Variants in COX7B2 observed in about 807,000 individuals in gnomAD.
COX7B2 encodes the protein cytochrome c oxidase subunit 7B2, mitochondrial.
For missense variants in COX7B2, 109 were observed against 95.9 expected, an observed-to-expected ratio of 1.14 and a Z score of -0.57; for synonymous variants, 37 against 32.1, an observed-to-expected ratio of 1.15 and a Z score of -0.51.
intron 2 of COX7B2, among the ~76,000 whole-genome samples, chr4:46,766,225 A>G (rs1421898384): frequency 6.6e-6 from 1 of 152,242 alleles, no homozygotes; most frequent in Non-Finnish European, 1.5e-5. Context: ...AGGTGTAGGA[A>G]TATAGTAAAA....
chr4:46,752,914 G>A (rs1342172919), intron 2 of COX7B2, among the ~76,000 whole-genome samples: 2 of 152,150 alleles, frequency 1.3e-5, no homozygotes, highest in African/African-American at 2.4e-5. Context: ...TTTGGTATCA[G>A]GATGATGCTG....
chr4:46,735,876 C>G, intron 2 of COX7B2, among the ~76,000 whole-genome samples: 1 of 152,078 alleles, frequency 6.6e-6, no homozygotes, highest in East Asian at 1.9e-4. Flanking sequence ...TTTGGGGAAG[C>G]AGTTTTGGTT....
intron 2 of COX7B2, among the ~76,000 whole-genome samples, chr4:46,763,210 TTATAATATATATTCATATA>T (rs1402146500): frequency 7.3e-6 from 1 of 137,448 alleles, no homozygotes; most frequent in East Asian, 2.0e-4. Context: ...GATATTATAT[TTATAATATATATTCATATA>T]TATTATATAT....
rs531756599 is a variant in COX7B2 at position 46,759,924 on chromosome 4, GTCTTA to G, written c.-49-24688_-49-24684del. Among the ~76,000 whole-genome samples the G allele has an allele frequency of 2.8e-3, 421 of 149,996 alleles. 2 individuals carry two copies. The highest frequency in any genetic ancestry group is 0.027 in the South Asian group (126 of 4,724). ...GTCTTATCTTATATAAGTTATATAAGTCTTATCTTATATGTTATATAAGTCTTATA... is the reference window on the plus strand; with the variant it reads ...GTCTTATCTTATATAAGTTATATAAGTCTTATATGTTATATAAGTCTTATA... On this transcript the variant is annotated intron_variant, in intron 2 of 2. Coordinates refer to ENST00000355591, the MANE Select transcript of COX7B2 (RefSeq NM_130902.3).
intron 1 of COX7B2, among the ~76,000 whole-genome samples, chr4:46,879,051 T>C (rs1238134198): frequency 3.9e-5 from 6 of 152,216 alleles, no homozygotes; most frequent in Non-Finnish European, 8.8e-5. Flanking sequence ...AACTTACTAT[T>C]AAGGTGCAAG....
chr4:46,736,640 G>T (rs1714380491), intron 2 of COX7B2, among the ~76,000 whole-genome samples: 2 of 151,974 alleles, frequency 1.3e-5, no homozygotes, highest in Non-Finnish European at 2.9e-5. Context: ...CTTACTCCTG[G>T]CAACCACTGA....
chr4:46,744,674 T>C lies in COX7B2; in HGVS notation c.-49-9433A>G, dbSNP rs4417938. Among the ~76,000 whole-genome samples, 652 of 152,112 alleles carry C rather than the reference T, an allele frequency of 4.3e-3. 13 individuals carry two copies. The highest frequency in any genetic ancestry group is 0.033 in the Admixed American group (503 of 15,260). ...TTCTGCCTTCAATCTATCACTGATA[T>C]ATTTAGGTAAAAGTATACAGGAAAC... On this transcript the variant is annotated intron_variant, in intron 2 of 2. Coordinates refer to ENST00000355591, the MANE Select transcript of COX7B2 (RefSeq NM_130902.3).
intron 2 of COX7B2, among the ~76,000 whole-genome samples, chr4:46,842,235 A>G (rs1408740181): frequency 6.6e-6 from 1 of 151,988 alleles, no homozygotes; most frequent in Admixed American, 6.6e-5. Flanking sequence ...TTCAGACAAG[A>G]GCATCCATAC....
chr4:46,900,281 T>C (rs1720002965), intron 1 of COX7B2, among the ~76,000 whole-genome samples: 1 of 152,194 alleles, frequency 6.6e-6, no homozygotes, highest in Admixed American at 6.5e-5. Context: ...CTCTGGAGAT[T>C]TTTATTTACA....
chr4:46,844,602 A>G (rs982270913), intron 2 of COX7B2, among the ~76,000 whole-genome samples: 1 of 152,024 alleles, frequency 6.6e-6, no homozygotes, highest in Admixed American at 6.6e-5. Flanking sequence ...CTAAGCATGT[A>G]GTACTTGGCA....
At chr4:46,757,552 A>G (rs1225521181) in intron 2 of COX7B2, among the ~76,000 whole-genome samples, 11 of 152,090 alleles carry the variant, frequency 7.2e-5, no homozygotes. Flanking sequence ...ATCTTTACCA[A>G]TTTGTCTTAC....
rs74980446 is a variant in COX7B2 at position 46,814,474 on chromosome 4, C to T, written c.-50+30486G>A. 6.8e-3 allele frequency among the ~76,000 whole-genome samples: 1,037 copies of T among 152,218 alleles called. 7 individuals are homozygous for T. Among genetic ancestry groups the T allele is most frequent in the African/African-American group, 0.024 (991 of 41,530 alleles). On this transcript the variant is annotated intron_variant, in intron 2 of 2. Transcript: ENST00000355591. Reference sequence around the variant, plus strand: ...CAAAAATTACTAACTGTATAGTCAACCTGAGTGCAAACTATACAACATTTA... The same window carrying T: ...CAAAAATTACTAACTGTATAGTCAATCTGAGTGCAAACTATACAACATTTA...
chr4:46,792,581 T>G (rs889544607), intron 2 of COX7B2, among the ~76,000 whole-genome samples: 1 of 152,208 alleles, frequency 6.6e-6, no homozygotes, highest in Non-Finnish European at 1.5e-5. Flanking sequence ...CTCCTAGTTC[T>G]CAGACATTCA....
At chr4:46,761,606 T>A (rs915219313) in intron 2 of COX7B2, among the ~76,000 whole-genome samples, 1 of 152,146 alleles carries the variant, frequency 6.6e-6, no homozygotes, top group African/African-American at 2.4e-5. Context: ...ACAAATTCTT[T>A]TACTATTTTA....
At chr4:46,849,267 T>C (rs937785113) in intron 1 of COX7B2, among the ~76,000 whole-genome samples, 2 of 152,074 alleles carry the variant, frequency 1.3e-5, no homozygotes, top group Non-Finnish European at 2.9e-5. Context: ...TAAATCAATT[T>C]CTCCTATGTT....
chr4:46,816,563 A>C (rs1001378152), intron 2 of COX7B2, among the ~76,000 whole-genome samples: 1 of 152,146 alleles, frequency 6.6e-6, no homozygotes, highest in African/African-American at 2.4e-5. Context: ...TTTGTCTGAA[A>C]CTTGTTATCC....
At chr4:46,853,968 C>G (rs1029855576) in intron 1 of COX7B2, among the ~76,000 whole-genome samples, 5 of 152,058 alleles carry the variant, frequency 3.3e-5, no homozygotes, top group African/African-American at 7.2e-5. Flanking sequence ...AAATGTCTTA[C>G]TTGTGGATAA....
intron 2 of COX7B2, among the ~76,000 whole-genome samples, chr4:46,821,952 G>C (rs368991218): frequency 6.6e-6 from 1 of 151,994 alleles, no homozygotes. Flanking sequence ...TCACTCTGTC[G>C]CCAGGCTAGA....
At chr4:46,761,452 T>G (rs994351231) in intron 2 of COX7B2, among the ~76,000 whole-genome samples, 1 of 152,128 alleles carries the variant, frequency 6.6e-6, no homozygotes, top group Non-Finnish European at 1.5e-5. Flanking sequence ...ATCGCTTTAA[T>G]TTGTCAGTCA....
Sources: gnomAD v4.1 joint callset for allele counts (sites outside exome capture counted in the v4.1 genomes callset) on GRCh38, gnomAD v4.1.1 for gene constraint, MANE v1.5 for transcripts, NCBI Gene and HGNC (gene_info 2026-07-23, HGNC 2026-07-21) for gene names.